The following CNBD2 variants were observed in gnomAD, a reference collection of about 807,000 sequenced individuals.
CNBD2 encodes cyclic nucleotide binding domain containing 2, also known as cyclic nucleotide-binding domain-containing protein 2.
CNBD2 carries 64 observed loss-of-function variants against 63.7 expected under a neutral mutation model. The ratio of observed to expected loss-of-function variants is 1.00; its 90% CI spans 0.82 to 1.24. The LOEUF is 1.24. Among genes scored for constraint, CNBD2 ranks in the 50% most tolerant of loss-of-function variants. The probability of loss-of-function intolerance (pLI) is 0.00; values close to 1 mark genes in which losing one functional copy is unlikely to be tolerated. For missense variants in CNBD2, 691 were observed against 713.5 expected (o/e 0.97, Z 0.36); for synonymous variants, 229 against 255.4 (o/e 0.90, Z 0.99).
chr20:35,982,307 C>T (rs2056608771), intron 4 of CNBD2, among the ~76,000 whole-genome samples: 1 of 152,134 alleles, frequency 6.6e-6, no homozygotes, highest in African/African-American at 2.4e-5. Context: ...TACCCATTGT[C>T]TCCTGGGTAA....
intron 3 of CNBD2, among the ~76,000 whole-genome samples, chr20:35,976,213 A>C (rs1314583111): frequency 6.6e-6 from 1 of 152,206 alleles, no homozygotes; most frequent in Non-Finnish European, 1.5e-5. Context: ...GACTGTGAGC[A>C]TGTAGGAACC....
intron 3 of CNBD2, among the ~76,000 whole-genome samples, chr20:35,979,023 A>G (rs2056560973): frequency 6.6e-6 from 1 of 152,190 alleles, no homozygotes; most frequent in African/African-American, 2.4e-5. Flanking sequence ...CCAGATGTTA[A>G]TGGCTAATTT....
intron 10 of CNBD2, among the ~76,000 whole-genome samples, chr20:36,018,852 C>G (rs181855267): frequency 6.6e-6 from 1 of 152,312 alleles, no homozygotes; most frequent in African/African-American, 2.4e-5. Flanking sequence ...TGTGTGGCCA[C>G]GGGCAAATCA....
At chr20:35,996,668 C>T (rs1032729497) in intron 8 of CNBD2, among the ~76,000 whole-genome samples, 3 of 152,014 alleles carry the variant, frequency 2.0e-5, no homozygotes, top group South Asian at 2.1e-4. Flanking sequence ...CCACCATGCC[C>T]GGCCAATTTT....
intron 3 of CNBD2, among the ~76,000 whole-genome samples, chr20:35,977,658 A>T (rs957479732): frequency 6.6e-6 from 1 of 152,204 alleles, no homozygotes; most frequent in African/African-American, 2.4e-5. Context: ...AGTCTGGGTG[A>T]CAGAGTGAGA....
At chr20:35,990,211 G>A (rs185211816) in intron 7 of CNBD2, among the ~76,000 whole-genome samples, 51 of 152,314 alleles carry the variant, frequency 3.3e-4, no homozygotes, top group African/African-American at 1.2e-3. Flanking sequence ...TCTTGGTTTA[G>A]GGCTTTGCTG....
At chr20:36,003,985 C>G (rs942944388) in intron 8 of CNBD2, among the ~76,000 whole-genome samples, 1 of 152,148 alleles carries the variant, frequency 6.6e-6, no homozygotes, top group Non-Finnish European at 1.5e-5. Flanking sequence ...TGGCTATTGG[C>G]CAAGTGTCTG....
chr20:36,009,534 A>G (rs530912022), intron 9 of CNBD2, among the ~76,000 whole-genome samples: 12 of 152,116 alleles, frequency 7.9e-5, no homozygotes, highest in African/African-American at 2.9e-4. Context: ...AGAAAAAGAA[A>G]AAGAAAAAGG....
At chr20:36,001,323 G>A (rs2056896703) in intron 8 of CNBD2, among the ~76,000 whole-genome samples, 1 of 149,192 alleles carries the variant, frequency 6.7e-6, no homozygotes, top group Admixed American at 6.6e-5. Flanking sequence ...GCCGGGCAGA[G>A]GCGCCCCTCA....
At position 35,979,630 on chromosome 20, in the gene CNBD2, C is replaced by T. The variant is rs150267293; in HGVS notation, c.244-829C>T. Among the ~76,000 whole-genome samples the T allele has an allele frequency of 4.1e-3, 618 of 152,310 alleles. 8 individuals carry two copies. The highest frequency in any genetic ancestry group is 0.014 in the African/African-American group (593 of 41,566). On this transcript the variant is annotated intron_variant, in intron 3 of 11. Transcript: ENST00000373973. The stretch of plus-strand genomic sequence containing the variant: ...TTTGGAGGGGACGTTCACCCTATAG[C>T]AAGAGCCTACTGGGGAAGGGGCTAC...
At chr20:35,963,748 C>T (rs191183380), upstream of CNBD2, among the ~76,000 whole-genome samples, 14 of 152,248 alleles carry the variant, frequency 9.2e-5, no homozygotes, top group Non-Finnish European at 5.9e-5. Context: ...TTAAAAGACT[C>T]ATTCAAATTC....
intron 10 of CNBD2, among the ~76,000 whole-genome samples, chr20:36,020,178 G>C (rs1443913843): frequency 6.6e-6 from 1 of 152,060 alleles, no homozygotes; most frequent in Admixed American, 6.5e-5. Context: ...CGCCTCCCGA[G>C]TTTATGCCAT....
chr20:35,978,367 C>T lies in CNBD2; in HGVS notation c.244-2092C>T, dbSNP rs540332882. ...TAATTTTTTTTTTTTTTTTTTGAGA[C>T]GGAGTCGAGCTCTGTCTCCCAGGCT... On this transcript the variant is annotated intron_variant, in intron 3 of 11. Coordinates refer to ENST00000373973, the MANE Select transcript of CNBD2 (RefSeq NM_001365709.1). Among the ~76,000 whole-genome samples, 736 of 145,956 alleles carry T rather than the reference C, an allele frequency of 5.0e-3. 7 individuals carry two copies. The highest frequency in any genetic ancestry group is 0.01 in the Middle Eastern group (3 of 288).
upstream of CNBD2, among the ~76,000 whole-genome samples, chr20:35,967,985 G>A (rs578224115): frequency 2.0e-5 from 3 of 152,316 alleles, no homozygotes; most frequent in East Asian, 5.8e-4. Context: ...ATCTTTTATT[G>A]AATAGTGCTT....
chr20:36,026,123 T>C (rs1237445079), intron 11 of CNBD2, among the ~76,000 whole-genome samples: 2 of 152,124 alleles, frequency 1.3e-5, no homozygotes, highest in African/African-American at 4.8e-5. Context: ...AACCTCTGCC[T>C]CCCGGGCTCA....
chr20:35,992,206 C>G (rs1456996815), intron 7 of CNBD2, among the ~76,000 whole-genome samples: 1 of 152,062 alleles, frequency 6.6e-6, no homozygotes, highest in East Asian at 1.9e-4. Flanking sequence ...AATGCAAATT[C>G]TCAGGCCCAC....
At chr20:35,958,219 T>G (rs2056275683), downstream of CNBD2, among the ~76,000 whole-genome samples, 1 of 152,152 alleles carries the variant, frequency 6.6e-6, no homozygotes, top group Non-Finnish European at 1.5e-5. Context: ...GATCACGAGT[T>G]CAGGAGTTTG....
chr20:35,972,227 C>A (rs563488664), intron 1 of CNBD2, among the ~76,000 whole-genome samples: 2 of 152,270 alleles, frequency 1.3e-5, no homozygotes, highest in South Asian at 4.1e-4. Flanking sequence ...ATTCCTCTTA[C>A]CATTATTCCC....
chr20:36,002,270 G>T (rs913813327), intron 8 of CNBD2, among the ~76,000 whole-genome samples: 1 of 152,222 alleles, frequency 6.6e-6, no homozygotes, highest in East Asian at 1.9e-4. Context: ...GGCGGTGCGC[G>T]CCTGCAATCG....
Sources: allele counts gnomAD v4.1 joint callset (sites outside exome capture counted in the v4.1 genomes callset), GRCh38; gene constraint gnomAD v4.1.1; transcripts MANE v1.5; gene names NCBI Gene and HGNC (gene_info 2026-07-23, HGNC 2026-07-21).